The following NFE2L1 variants were observed in gnomAD, a reference collection of about 807,000 sequenced individuals.
NFE2L1 encodes the protein NFE2 like bZIP transcription factor 1.
A neutral mutation model predicts 61.6 loss-of-function variants in NFE2L1; 18 were observed. The observed-to-expected ratio is 0.29, with a 90% CI of 0.20 to 0.43. The LOEUF is 0.43. NFE2L1 is among the 20% of genes least tolerant of loss of function. NFE2L1 has a pLI of 1.00. For missense variants in NFE2L1, 827 were observed against 973.5 expected (o/e 0.85, Z 2.00); for synonymous variants, 419 against 402.7 (o/e 1.04, Z -0.48).
Position 48,051,444 on chromosome 17 carries a change from C to T in NFE2L1, c.326C>T (p.Pro109Leu). ...AATGCCTGGCTGGTTCACCGAGACC[C>T]AGAGGGGTCTGTCTCTGGCAGTCAG... Reference protein sequence around the residue: ...EVNAWLVHRDPEGSVSGSQPN... With the variant: ...EVNAWLVHRDLEGSVSGSQPN... Residue 109 changes from proline (P) to leucine (L), a missense_variant, in exon 2 of 6, where the codon CCA becomes CTA. Physicochemically the swap from Pro to Leu is moderately conservative, Grantham distance 98. This residue lies in a region of NFE2L1 where 667 missense variants were observed against 748.4 expected (regional missense o/e 0.89). Coordinates refer to ENST00000362042, the MANE Select transcript of NFE2L1 (RefSeq NM_003204.3). The T allele has an allele frequency of 6.2e-7, 1 of 1,614,202 alleles. No individual in the cohort carries two copies.
intron 2 of NFE2L1, among the ~76,000 whole-genome samples, chr17:48,053,236 G>A: frequency 6.6e-6 from 1 of 152,290 alleles, no homozygotes. Flanking sequence ...GTGGGTTGGG[G>A]CCGAATGGGA....
In NFE2L1 at chr17:48,057,483, T is replaced by C; in HGVS notation, c.953T>C (p.Met318Thr). 1 of 1,613,230 alleles carries C rather than the reference T, an allele frequency of 6.2e-7. No homozygotes were observed. The highest frequency in any genetic ancestry group is 8.5e-7 in the Non-Finnish European group (1 of 1,179,722). ...TTGGAACAGCAGTGGCAAGATCTCA[T>C]GTCCATCATGGAAATGCAGGTAGGA... ...FDLEQQWQDL[M>T]SIMEMQAMEV... Residue 318 changes from methionine (M) to threonine (T), a missense_variant, in exon 5 of 6, where the codon ATG becomes ACG. This residue lies in a region of NFE2L1 where 667 missense variants were observed against 748.4 expected (regional missense o/e 0.89). Coordinates refer to ENST00000362042, the MANE Select transcript of NFE2L1 (RefSeq NM_003204.3).
chr17:48,058,695 A>G lies in NFE2L1; in HGVS notation c.1373A>G (p.Glu458Gly). Reference sequence around the variant, plus strand: ...ATCAGCCTTATGGACCTGGCCATTGAAGAAGGCTTTAACCCTGTGCAGGCC... The same window carrying G: ...ATCAGCCTTATGGACCTGGCCATTGGAGAAGGCTTTAACCCTGTGCAGGCC... The part of the protein sequence containing the change: ...DEISLMDLAI[E>G]EGFNPVQASQ... The change falls in exon 6 of 6, where the codon GAA becomes GGA. Residue 458 changes from glutamate (E) to glycine (G), a missense_variant. Physicochemically the swap from Glu to Gly is moderately conservative, Grantham distance 98. This residue lies in a region of NFE2L1 where 667 missense variants were observed against 748.4 expected (regional missense o/e 0.89). Transcript: ENST00000362042. The G allele has an allele frequency of 6.2e-7, 1 of 1,614,198 alleles. No homozygotes were observed. The highest frequency in any genetic ancestry group is 8.5e-7 in the Non-Finnish European group (1 of 1,180,026).
At position 48,060,763 on chromosome 17, in the gene NFE2L1, CA is replaced by C. The variant is rs2037532482; in HGVS notation, c.*1128del. 1 of 152,654 alleles carries C rather than the reference CA, an allele frequency of 6.6e-6. No individual in the cohort carries two copies. Among genetic ancestry groups the C allele is most frequent in the African/African-American group, 2.4e-5 (1 of 41,454 alleles). The allele number at this position is 152,654 out of a possible 1,614,324, so 9.5% of individuals were successfully genotyped here. ...AACTGGGCTTATCACTGGGAAAACA[CA>C]AAAAATTACACAACCCAGCAACAAC... On this transcript the variant is annotated 3_prime_UTR_variant, in exon 6 of 6. Transcript: ENST00000362042.
At chr17:48,058,156 G>A in intron 5 of NFE2L1, 139 bp from the exon 6 acceptor site, 1 of 1,238,224 alleles carries the variant, frequency 8.1e-7, no homozygotes, top group South Asian at 1.9e-5. Flanking sequence ...TGGGTCAGGA[G>A]CTGACACTGT....
Position 48,056,431 on chromosome 17 carries a change from G to C in NFE2L1, c.556G>C (p.Gly186Arg). The change falls in exon 3 of 6, where the codon GGG (glycine) becomes CGG (arginine). Residue 186 changes from glycine (G) to arginine (R), a missense_variant. Coordinates refer to ENST00000362042, the MANE Select transcript of NFE2L1 (RefSeq NM_003204.3). Reference protein sequence around the residue: ...DILWRQDIDLGAGREVFDYSH... With the variant: ...DILWRQDIDLRAGREVFDYSH... ...CCTTTGGCGACAGGATATTGATCTG[G>C]GGGCTGGGCGTGAGGTTTTTGACTA... 4 of 1,614,196 alleles carry C rather than the reference G, an allele frequency of 2.5e-6. No homozygotes were observed. The highest frequency in any genetic ancestry group is 3.4e-6 in the Non-Finnish European group (4 of 1,180,034).
At chr17:48,053,476 G>GT (rs1555574065) in intron 2 of NFE2L1, among the ~76,000 whole-genome samples, 1 of 152,314 alleles carries the variant, frequency 6.6e-6, no homozygotes, top group East Asian at 1.9e-4. Context: ...GCTGGAACCG[G>GT]TATTATCCCT....
chr17:48,058,196 C>T, intron 5 of NFE2L1, 99 bp from the exon 6 acceptor site: 2 of 1,479,226 alleles, frequency 1.4e-6, no homozygotes, highest in Non-Finnish European at 1.8e-6. Flanking sequence ...TTTGCCTTTA[C>T]ACCCATGCAG....
At position 48,061,013 on chromosome 17, in the gene NFE2L1, T is replaced by G. The variant is rs139512995; in HGVS notation, c.*1372T>G. 3.3e-5 allele frequency: 5 copies of G among 152,752 alleles called. No homozygotes were observed. Among genetic ancestry groups the G allele is most frequent in the Admixed American group, 3.3e-4 (5 of 15,306 alleles). 9.5% of individuals were successfully genotyped at this position (152,752 alleles called of 1,614,324 possible). Reference sequence around the variant, plus strand: ...CGTCGTCTGCTTTCTTTTTTGGGTTTCTTTCTAGAAGATTGAGAAGTGCAT... The same window carrying G: ...CGTCGTCTGCTTTCTTTTTTGGGTTGCTTTCTAGAAGATTGAGAAGTGCAT... On this transcript the variant is annotated 3_prime_UTR_variant, in exon 6 of 6. Transcript: ENST00000362042.
At position 48,058,976 on chromosome 17, in the gene NFE2L1, T is replaced by G. The variant is rs1202595444; in HGVS notation, c.1654T>G (p.Cys552Gly). 1 of 1,613,970 alleles carries G rather than the reference T, an allele frequency of 6.2e-7. No individual in the cohort carries two copies. Among genetic ancestry groups the G allele is most frequent in the Non-Finnish European group, 8.5e-7 (1 of 1,180,038 alleles). The part of the protein sequence containing the change: ...VGYQPEYSKF[C>G]RMSYQDPAQL... ...CTACCAGCCTGAGTATTCCAAGTTCTGCCGCATGAGCTACCAGGATCCAGC... is the reference window on the plus strand; with the variant it reads ...CTACCAGCCTGAGTATTCCAAGTTCGGCCGCATGAGCTACCAGGATCCAGC... The change falls in exon 6 of 6, where the codon TGC (cysteine) becomes GGC (glycine). Residue 552 changes from cysteine (C) to glycine (G), a missense_variant. This residue lies in a region of NFE2L1 where 667 missense variants were observed against 748.4 expected (regional missense o/e 0.89). Transcript: ENST00000362042.
intron 2 of NFE2L1, chr17:48,054,952 A>T: frequency 6.9e-7 from 1 of 1,453,680 alleles, no homozygotes; most frequent in Non-Finnish European, 9.0e-7. Context: ...CCTGAAAGCC[A>T]AGAGCTCCTT....
At chr17:48,055,026 G>T (rs1415588113) in intron 2 of NFE2L1, 12 of 1,516,868 alleles carry the variant, frequency 7.9e-6, no homozygotes, top group African/African-American at 1.4e-5. Context: ...ACCATGACCC[G>T]CCTGGACCGC....
intron 1 of NFE2L1, among the ~76,000 whole-genome samples, chr17:48,049,383 T>C (rs986457628): frequency 6.6e-5 from 10 of 152,138 alleles, no homozygotes; most frequent in African/African-American, 2.4e-4. Flanking sequence ...TCTTTCCTTT[T>C]CTTTTCTTTC....
At chr17:48,049,453 C>T (rs952478391) in intron 1 of NFE2L1, among the ~76,000 whole-genome samples, 3 of 151,940 alleles carry the variant, frequency 2.0e-5, no homozygotes, top group Non-Finnish European at 4.4e-5. Context: ...AGTGCAGTGG[C>T]GCGATATCGG....
intron 2 of NFE2L1, chr17:48,054,566 T>G: frequency 3.4e-6 from 4 of 1,167,350 alleles, no homozygotes; most frequent in Non-Finnish European, 3.2e-6. Flanking sequence ...GGGGAGGGGA[T>G]TGGCTCTCTG....
intron 2 of NFE2L1, chr17:48,054,598 G>T: frequency 8.1e-7 from 1 of 1,234,236 alleles, no homozygotes; most frequent in South Asian, 3.6e-5. Context: ...GTGACCTGCG[G>T]GGTGGGAGGG....
At position 48,059,160 on chromosome 17, in the gene NFE2L1, G is replaced by A. The variant is rs759015753; in HGVS notation, c.1838G>A (p.Arg613Gln). 13 of 1,613,918 alleles carry A rather than the reference G, an allele frequency of 8.1e-6. No individual in the cohort carries two copies. The highest frequency in any genetic ancestry group is 3.3e-5 in the South Asian group (3 of 91,080). The change falls in exon 6 of 6, where the codon CGG (arginine) becomes CAG (glutamine). Residue 613 changes from arginine (R) to glutamine (Q), a missense_variant. By Grantham distance (43) the Arg-to-Gln change is conservative. Transcript: ENST00000362042. This position sits in a 1 kb window ranked among gnomAD's most constrained non-coding sequence, Gnocchi z 6.1. Reference protein sequence around the residue: ...QADFLDKQMSRDEHRARAMKI... With the variant: ...QADFLDKQMSQDEHRARAMKI... ...GACTTCCTGGACAAGCAGATGAGCCGGGATGAGCACCGAGCCCGAGCCATG... is the reference window on the plus strand; with the variant it reads ...GACTTCCTGGACAAGCAGATGAGCCAGGATGAGCACCGAGCCCGAGCCATG...
intron 1 of NFE2L1, 129 bp from the exon 2 acceptor site, chr17:48,050,478 C>CAAA: frequency 4.0e-5 from 13 of 325,102 alleles, no homozygotes; most frequent in South Asian, 1.6e-4. Flanking sequence ...GACTCTGTCT[C>CAAA]AAAAAAAAAA....
Position 48,053,697 on chromosome 17 carries a change from G to C in NFE2L1, c.510+2069G>C, listed in dbSNP as rs796905462. Among the ~76,000 whole-genome samples, 32 of 152,308 alleles carry C rather than the reference G, an allele frequency of 2.1e-4. 1 individual carries two copies. The highest frequency in any genetic ancestry group is 7.7e-4 in the African/African-American group (32 of 41,572). ...CCTTAGGCTCCAGGGGAGCAGCAGT[G>C]GGGAGGGAGCTAAATTTCCCCTCGA... On this transcript the variant is annotated intron_variant, in intron 2 of 5. Transcript: ENST00000362042.
Sources: allele counts gnomAD v4.1 joint callset (sites outside exome capture counted in the v4.1 genomes callset), GRCh38; gene constraint gnomAD v4.1.1; regional missense constraint gnomAD v4.1.1; non-coding constraint Gnocchi (gnomAD v3.1); transcripts MANE v1.5; gene names NCBI Gene and HGNC (gene_info 2026-07-23, HGNC 2026-07-21).